The following HTRA3 variants were observed in gnomAD, a reference collection of about 807,000 sequenced individuals.
The protein encoded by HTRA3 is serine protease HTRA3.
In HTRA3, 41 loss-of-function variants were observed where a neutral mutation model predicts 43.2. The ratio of observed to expected loss-of-function variants is 0.95; its 90% CI spans 0.74 to 1.23. The LOEUF is 1.23. HTRA3 is among the 50% of genes most tolerant of loss of function. The pLI is 0.00. For missense variants in HTRA3, 628 were observed against 647.1 expected, an observed-to-expected ratio of 0.97 and a Z score of 0.32; for synonymous variants, 295 against 287.9, an observed-to-expected ratio of 1.02 and a Z score of -0.25.
chr4:8,295,496 C>T lies in HTRA3; in HGVS notation c.1051+1295C>T, dbSNP rs1713422834. Among the ~76,000 whole-genome samples, 1 of 152,244 alleles carries T rather than the reference C, an allele frequency of 6.6e-6. No homozygotes were observed. Among genetic ancestry groups the T allele is most frequent in the Non-Finnish European group, 1.5e-5 (1 of 68,038 alleles). ...CATGCCCATTGCCTCCTTAAGTGGGCAGTCGCAGCCACCTTCCAGAGCAGG... is the reference window on the plus strand; with the variant it reads ...CATGCCCATTGCCTCCTTAAGTGGGTAGTCGCAGCCACCTTCCAGAGCAGG... On this transcript the variant is annotated intron_variant, in intron 6 of 8. Transcript: ENST00000307358. This position sits in a 1 kb window ranked among gnomAD's most constrained non-coding sequence, Gnocchi z 6.9.
In HTRA3 at chr4:8,279,247, T is replaced by C. The variant is rs1712647198; in HGVS notation, c.386-3190T>C. Among the ~76,000 whole-genome samples, 1 of 152,036 alleles carries C rather than the reference T, an allele frequency of 6.6e-6. No individual in the cohort carries two copies. The highest frequency in any genetic ancestry group is 2.4e-5 in the African/African-American group (1 of 41,406). Reference sequence around the variant, plus strand: ...CCTGTTTTATTTTCTCTTTGAAAAATGAAAAAAAGTCACTGTAACTTTACC... The same window carrying C: ...CCTGTTTTATTTTCTCTTTGAAAAACGAAAAAAAGTCACTGTAACTTTACC... On this transcript the variant is annotated intron_variant, in intron 1 of 8. Transcript: ENST00000307358. This position sits in a 1 kb window ranked among gnomAD's most constrained non-coding sequence, Gnocchi z 7.4.
rs759575119 is a variant in HTRA3 at position 8,286,752 on chromosome 4, C to A, written c.677C>A (p.Ser226Ter). The change falls in exon 3 of 9, where the codon TCG (serine) becomes TAG (stop). Residue 226 changes from serine (S) to a stop codon, truncating the protein, a stop_gained. Transcript: ENST00000307358. LOFTEE classifies it high-confidence loss of function. This position sits in a 1 kb window ranked among gnomAD's most constrained non-coding sequence, Gnocchi z 4.9. The part of the protein sequence containing the change: ...EATIKDIDKK[S>*]DIATIKIHPK... ...ACCATCAAAGACATCGACAAGAAGT[C>A]GGACATTGCCACCATCAAGATCCAT... 15 of 1,613,894 alleles carry A rather than the reference C, an allele frequency of 9.3e-6. No individual in the cohort carries two copies. The highest frequency in any genetic ancestry group is 1.2e-5 in the Non-Finnish European group (14 of 1,179,974).
intron 6 of HTRA3, among the ~76,000 whole-genome samples, chr4:8,301,625 G>T (rs897674660): frequency 3.3e-5 from 5 of 152,030 alleles, no homozygotes; most frequent in Admixed American, 2.6e-4. Context: ...CGGAAACTGA[G>T]GTTATTGATT....
At chr4:8,280,854 G>A (rs889383342) in intron 1 of HTRA3, among the ~76,000 whole-genome samples, 13 of 152,168 alleles carry the variant, frequency 8.5e-5, no homozygotes, top group East Asian at 5.8e-4. Flanking sequence ...GGCAGACATC[G>A]GAAGTCTGGG....
intron 6 of HTRA3, 132 bp downstream of exon 6, chr4:8,294,333 C>CAGTAG: frequency 4.9e-6 from 3 of 610,494 alleles, no homozygotes; most frequent in Non-Finnish European, 8.6e-6. Flanking sequence ...TGGACAGGTC[C>CAGTAG]TGTCTGCCCA....
At chr4:8,273,063 C>A (rs1712360039) in intron 1 of HTRA3, among the ~76,000 whole-genome samples, 1 of 152,238 alleles carries the variant, frequency 6.6e-6, no homozygotes, top group Admixed American at 6.5e-5. Context: ...CCAGGCACCA[C>A]AGATGTGCTG....
chr4:8,291,521 G>T lies in HTRA3; in HGVS notation c.860G>T (p.Arg287Leu). 6.2e-7 allele frequency: 1 copy of T among 1,611,084 alleles called. No individual in the cohort carries two copies. Among genetic ancestry groups the T allele is most frequent in the Middle Eastern group, 1.7e-4 (1 of 6,020 alleles). Residue 287 changes from arginine to leucine, a missense_variant, in exon 4 of 9, where the codon CGG becomes CTG. Transcript: ENST00000307358. ...AQREGRELGL[R>L]DSDMDYIQTD... ...CGGGAGGGCAGGGAGCTGGGCCTCC[G>T]GGACTCCGACATGGACTACATCCAG...
intron 6 of HTRA3, 92 bp downstream of exon 6, chr4:8,294,293 C>A: frequency 1.1e-6 from 1 of 908,278 alleles, no homozygotes; most frequent in Non-Finnish European, 1.7e-6. Flanking sequence ...CAAGGCCCAC[C>A]GGAGGTGCTG....
At chr4:8,288,710 C>T (rs1040084553) in intron 3 of HTRA3, among the ~76,000 whole-genome samples, 1 of 151,510 alleles carries the variant, frequency 6.6e-6, no homozygotes, top group South Asian at 2.1e-4. Context: ...GTAGCTGTGA[C>T]TATAGGTGCA....
intron 2 of HTRA3, among the ~76,000 whole-genome samples, chr4:8,284,065 C>G (rs913044370): frequency 6.6e-6 from 1 of 152,202 alleles, no homozygotes; most frequent in African/African-American, 2.4e-5. Context: ...ATCCTCCACA[C>G]CTGCTGGGAG....
chr4:8,303,586 C>T (rs920983403), intron 7 of HTRA3, among the ~76,000 whole-genome samples: 5 of 152,230 alleles, frequency 3.3e-5, no homozygotes, highest in Non-Finnish European at 7.3e-5. Context: ...AGCTGTCATT[C>T]CTCCTGTTTC....
rs2153006797 is a variant in HTRA3 at position 8,297,276 on chromosome 4, G to A, written c.1051+3075G>A. ...GCTCACCTCTCAAGTTCAAGGAGAA[G>A]AGGCTTCAGAGTCCCCTATCCTGAG... On this transcript the variant is annotated intron_variant, in intron 6 of 8. Coordinates refer to ENST00000307358, the MANE Select transcript of HTRA3 (RefSeq NM_053044.5). This position sits in a 1 kb window ranked among gnomAD's most constrained non-coding sequence, Gnocchi z 5.8. Among the ~76,000 whole-genome samples, 1 of 152,070 alleles carries A rather than the reference G, an allele frequency of 6.6e-6. No homozygotes were observed. Among genetic ancestry groups the A allele is most frequent in the East Asian group, 2.0e-4 (1 of 5,108 alleles).
At chr4:8,287,520 A>T (rs991210377) in intron 3 of HTRA3, among the ~76,000 whole-genome samples, 13 of 152,006 alleles carry the variant, frequency 8.6e-5, no homozygotes, top group African/African-American at 3.1e-4. Context: ...GCAAAGGGGA[A>T]GCAGGGACAT....
At chr4:8,276,682 G>C (rs115091147) in intron 1 of HTRA3, among the ~76,000 whole-genome samples, 11 of 152,356 alleles carry the variant, frequency 7.2e-5, no homozygotes, top group South Asian at 6.2e-4. Flanking sequence ...CTCCTCCCAG[G>C]GGCTGGCTGT....
chr4:8,292,242 A>G, intron 4 of HTRA3, 79 bp from the exon 5 acceptor site: 2 of 1,255,558 alleles, frequency 1.6e-6, no homozygotes, highest in Non-Finnish European at 2.3e-6. Context: ...TGCACTGGTT[A>G]GAGGCAGATC....
Position 8,304,646 on chromosome 4 carries a change from T to TTTTGTG in HTRA3, c.1196+370_1196+371insGTGTTT, listed in dbSNP as rs1490154087. On this transcript the variant is annotated intron_variant, in intron 8 of 8. Transcript: ENST00000307358. ...AGTGGAGATAATTCAGCCTATTGTTTTTTTTTTTTTTTTTTTTTTTTTTTT... is the reference window on the plus strand; with the variant it reads ...AGTGGAGATAATTCAGCCTATTGTTTTTTGTGTTTTTTTTTTTTTTTTTTTTTTTTT... 5.5e-4 allele frequency among the ~76,000 whole-genome samples: 16 copies of TTTTGTG among 28,860 alleles called. 1 individual carries two copies. Among genetic ancestry groups the TTTTGTG allele is most frequent in the East Asian group, 1.1e-3 (1 of 926 alleles). 18.9% of individuals were successfully genotyped at this position (28,860 alleles called of 152,430 possible).
In HTRA3 at chr4:8,275,861, T is replaced by C. The variant is rs573891427; in HGVS notation, c.385+5508T>C. Among the ~76,000 whole-genome samples the C allele has an allele frequency of 4.6e-5, 7 of 152,378 alleles. No homozygotes were observed. The East Asian group carries it at 1.3e-3, about 29-fold the overall frequency. On this transcript the variant is annotated intron_variant, in intron 1 of 8. Coordinates refer to ENST00000307358, the MANE Select transcript of HTRA3 (RefSeq NM_053044.5). ...TCACTCAGGTAGGGATGGATGGTTC[T>C]GCCCTGAGCCCAGGTCCCCTGGTTC... is the stretch of plus-strand genomic sequence containing the variant.
At chr4:8,273,829 T>G (rs1483614757) in intron 1 of HTRA3, among the ~76,000 whole-genome samples, 2 of 148,276 alleles carry the variant, frequency 1.3e-5, no homozygotes, top group African/African-American at 2.6e-5. Flanking sequence ...GTACCTTTCC[T>G]GGGCCTGCCC....
chr4:8,302,561 C>T, intron 7 of HTRA3, 50 bp downstream of exon 7: 1 of 1,567,226 alleles, frequency 6.4e-7, no homozygotes, highest in Non-Finnish European at 8.8e-7. Flanking sequence ...TCTCATCCCT[C>T]ACCCTGACCC....
Sources: allele counts gnomAD v4.1 joint callset (sites outside exome capture counted in the v4.1 genomes callset), GRCh38; gene constraint gnomAD v4.1.1; non-coding constraint Gnocchi (gnomAD v3.1); transcripts MANE v1.5; gene names NCBI Gene and HGNC (gene_info 2026-07-23, HGNC 2026-07-21).